ZFPM2: variants seen among roughly 807,000 people sequenced by gnomAD.
The protein encoded by ZFPM2 is zinc finger protein, FOG family member 2.
Under a neutral mutation model 98.6 loss-of-function variants are expected in ZFPM2, and 20 were observed. The ratio of observed to expected loss-of-function variants is 0.20; its 90% CI spans 0.14 to 0.29. ZFPM2 has a LOEUF of 0.29. Among genes scored for constraint, ZFPM2 ranks in the 10% least tolerant of loss-of-function variants. The probability of loss-of-function intolerance (pLI) is 1.00; values close to 1 mark genes in which losing one functional copy is unlikely to be tolerated. For missense variants in ZFPM2, 1,310 were observed against 1,388.6 expected (o/e 0.94, Z 0.90); for synonymous variants, 518 against 502.7 (o/e 1.03, Z -0.41).
chr8:105,638,446 C>T (rs376271236), intron 5 of ZFPM2, among the ~76,000 whole-genome samples: 8 of 151,972 alleles, frequency 5.3e-5, no homozygotes, highest in African/African-American at 9.7e-5. Flanking sequence ...CTCTCATGGA[C>T]GATGAAAATT....
At position 105,710,663 on chromosome 8, in the gene ZFPM2, T is replaced by TTGTG. The variant is rs34170034; in HGVS notation, c.532+76342_532+76345dup. Among the ~76,000 whole-genome samples, 134 of 143,910 alleles carry TTGTG rather than the reference T, an allele frequency of 9.3e-4. 1 individual carries two copies. The highest frequency in any genetic ancestry group is 1.5e-3 in the Non-Finnish European group (95 of 64,996). The allele number at this position is 143,910 out of a possible 152,430, so 94.4% of individuals were successfully genotyped here. ...TTAACATTTCTAAAAATGCACAAAA[T>TTGTG]TGTGTGTGTGTGTGTGTGTGTGTGT... On this transcript the variant is annotated intron_variant, in intron 5 of 7. Coordinates refer to ENST00000407775, the MANE Select transcript of ZFPM2 (RefSeq NM_012082.4).
chr8:105,676,443 T>G (rs2130913103), intron 5 of ZFPM2, among the ~76,000 whole-genome samples: 1 of 152,260 alleles, frequency 6.6e-6, no homozygotes, highest in South Asian at 2.1e-4. Flanking sequence ...CTCCTAAAAC[T>G]TCAGTTTTAT....
chr8:105,576,876 A>G (rs1815478893), intron 4 of ZFPM2, among the ~76,000 whole-genome samples: 2 of 152,158 alleles, frequency 1.3e-5, no homozygotes, highest in Non-Finnish European at 2.9e-5. Flanking sequence ...ATCTCCAGCC[A>G]TATTGTGTGC....
chr8:105,482,429 G>T (rs1463955317), intron 3 of ZFPM2, among the ~76,000 whole-genome samples: 4 of 151,938 alleles, frequency 2.6e-5, no homozygotes, highest in African/African-American at 4.8e-5. Context: ...ACTTCTCTTT[G>T]CATTTATTGT....
At chr8:105,685,443 G>A (rs1474093936) in intron 5 of ZFPM2, among the ~76,000 whole-genome samples, 1 of 151,978 alleles carries the variant, frequency 6.6e-6, no homozygotes, top group East Asian at 1.9e-4. Flanking sequence ...CTCGTTTATT[G>A]AAGATCTATA....
At chr8:105,646,185 G>A (rs1817042613) in intron 5 of ZFPM2, among the ~76,000 whole-genome samples, 1 of 152,104 alleles carries the variant, frequency 6.6e-6, no homozygotes, top group African/African-American at 2.4e-5. Flanking sequence ...GGGGTTTTCG[G>A]TTCTTTGGTG....
rs1813915491 is a variant in ZFPM2, at chr8:105,798,880, C to T, written c.896C>T (p.Pro299Leu). Residue 299 changes from proline to leucine, a missense_variant, in exon 7 of 8, where the codon CCC (proline) becomes CTC (leucine). Physicochemically the swap from Pro to Leu is moderately conservative, Grantham distance 98. Coordinates refer to ENST00000407775, the MANE Select transcript of ZFPM2 (RefSeq NM_012082.4). ...GCCCATCAGATTTCCAGCCTGTGCCCCTTCCCACAGTGCACCAAGAGCTTT... is the reference window on the plus strand; with the variant it reads ...GCCCATCAGATTTCCAGCCTGTGCCTCTTCCCACAGTGCACCAAGAGCTTT... ...DSAHQISSLC[P>L]FPQCTKSFSN... The T allele has an allele frequency of 1.2e-6, 2 of 1,613,930 alleles. No individual in the cohort carries two copies. Among genetic ancestry groups the T allele is most frequent in the South Asian group, 1.1e-5 (1 of 91,088 alleles).
intron 2 of ZFPM2, among the ~76,000 whole-genome samples, chr8:105,429,202 G>A (rs1358743320): frequency 6.6e-6 from 1 of 152,022 alleles, no homozygotes; most frequent in African/African-American, 2.4e-5. Flanking sequence ...CTGTATTTTA[G>A]GTCTTACGTA....
intron 4 of ZFPM2, among the ~76,000 whole-genome samples, chr8:105,579,737 T>G (rs1355979536): frequency 6.6e-6 from 1 of 152,196 alleles, no homozygotes; most frequent in African/African-American, 2.4e-5. Context: ...GTAAATCCCC[T>G]TAGTGTGTGA....
intron 6 of ZFPM2, among the ~76,000 whole-genome samples, chr8:105,793,315 T>TAA (rs1813683310): frequency 1.3e-5 from 2 of 152,298 alleles, no homozygotes; most frequent in African/African-American, 4.8e-5. Flanking sequence ...TGCTTGTCTG[T>TAA]AAAGTATTTT....
intron 5 of ZFPM2, among the ~76,000 whole-genome samples, chr8:105,779,323 G>A (rs930913714): frequency 5.9e-5 from 9 of 152,252 alleles, no homozygotes; most frequent in South Asian, 2.1e-4. Context: ...ATCTTGATGA[G>A]CCCCCGTAGC....
At chr8:105,588,158 A>C (rs1815765165) in intron 4 of ZFPM2, among the ~76,000 whole-genome samples, 1 of 152,190 alleles carries the variant, frequency 6.6e-6, no homozygotes, top group Admixed American at 6.5e-5. Flanking sequence ...CTATCTTGCA[A>C]AATATATAAG....
intron 1 of ZFPM2, among the ~76,000 whole-genome samples, chr8:105,340,450 A>G (rs1240507538): frequency 6.6e-6 from 1 of 151,974 alleles, no homozygotes; most frequent in South Asian, 2.1e-4. Flanking sequence ...TGGCAATCAT[A>G]TACATTTTTG....
intron 5 of ZFPM2, among the ~76,000 whole-genome samples, chr8:105,733,220 C>A (rs1027142849): frequency 2.6e-5 from 4 of 151,882 alleles, no homozygotes; most frequent in African/African-American, 9.7e-5. Flanking sequence ...CCCCTGCAAA[C>A]TCTGCTTTCA....
At chr8:105,475,002 A>G (rs1431454826) in intron 3 of ZFPM2, among the ~76,000 whole-genome samples, 1 of 152,228 alleles carries the variant, frequency 6.6e-6, no homozygotes, top group Non-Finnish European at 1.5e-5. Flanking sequence ...AAGAACATCC[A>G]TATAAGCAAA....
chr8:105,609,343 A>G (rs1436455034), intron 4 of ZFPM2, among the ~76,000 whole-genome samples: 1 of 152,124 alleles, frequency 6.6e-6, no homozygotes, highest in African/African-American at 2.4e-5. Flanking sequence ...AGGGAATAAC[A>G]AATGGGATCT....
intron 3 of ZFPM2, among the ~76,000 whole-genome samples, chr8:105,546,568 C>CAAA (rs376278402): frequency 0.023 from 1,937 of 84,442 alleles, 43 homozygotes; most frequent in African/African-American, 0.054. Flanking sequence ...AGCTCAGTCT[C>CAAA]AAAAAAAAAA....
At position 105,802,495 on chromosome 8, in the gene ZFPM2, A is replaced by G; in HGVS notation, c.2413A>G (p.Ile805Val). Reference sequence around the variant, plus strand: ...TAAACACTTGGAAACTTCTCTGACGATCAACAAGTGTGTTCCAGTTTCCAA... The same window carrying G: ...TAAACACTTGGAAACTTCTCTGACGGTCAACAAGTGTGTTCCAGTTTCCAA... ...VSKHLETSLTINKCVPVSKCD... is the reference protein window; with the variant it reads ...VSKHLETSLTVNKCVPVSKCD... The change falls in exon 8 of 8, where the codon ATC becomes GTC. Residue 805 changes from isoleucine (I) to valine (V), a missense_variant. Ile to Val is a conservative substitution (Grantham distance 29, BLOSUM62 3). Transcript: ENST00000407775. The G allele has an allele frequency of 6.2e-7, 1 of 1,612,740 alleles. No homozygotes were observed.
intron 1 of ZFPM2, among the ~76,000 whole-genome samples, chr8:105,337,365 A>T (rs1485253416): frequency 6.6e-6 from 1 of 151,832 alleles, no homozygotes; most frequent in African/African-American, 2.4e-5. Context: ...CACTTGAGGA[A>T]TTTGAAGAAA....
Sources: allele counts gnomAD v4.1 joint callset (sites outside exome capture counted in the v4.1 genomes callset), GRCh38; gene constraint gnomAD v4.1.1; transcripts MANE v1.5; gene names NCBI Gene and HGNC (gene_info 2026-07-23, HGNC 2026-07-21).